MAPKAP1: variants seen among roughly 807,000 people sequenced by gnomAD.
MAPKAP1 encodes the protein MAPK associated protein 1, also known as target of rapamycin complex 2 subunit MAPKAP1.
Under a neutral mutation model 65.7 loss-of-function variants are expected in MAPKAP1, and 20 were observed. The ratio of observed to expected loss-of-function variants is 0.30; its 90% confidence interval spans 0.21 to 0.44. The LOEUF is 0.44. Ranked by LOEUF, MAPKAP1 falls within the 20% of genes least tolerant of loss-of-function variation. MAPKAP1 has a pLI of 1.00. For missense variants in MAPKAP1, 423 were observed against 648.0 expected, an observed-to-expected ratio of 0.65 and a Z score of 3.77; for synonymous variants, 222 against 244.3, an observed-to-expected ratio of 0.91 and a Z score of 0.85.
At chr9:125,539,638 T>TA (rs1190140592) in intron 7 of MAPKAP1, among the ~76,000 whole-genome samples, 1 of 152,222 alleles carries the variant, frequency 6.6e-6, no homozygotes, top group African/African-American at 2.4e-5. Context: ...TTAAGGCCTT[T>TA]ATTCACTAAA....
rs1445037610 is a variant in MAPKAP1, at chr9:125,585,710, T to C, written c.516A>G (p.Thr172=). The C allele has an allele frequency of 5.0e-6, 8 of 1,614,184 alleles. No homozygotes were observed. The highest frequency in any genetic ancestry group is 6.8e-6 in the Non-Finnish European group (8 of 1,180,038). Residue 172 remains threonine, a synonymous_variant, in exon 5 of 12, where the codon ACA becomes ACG. Coordinates refer to ENST00000265960, the MANE Select transcript of MAPKAP1 (RefSeq NM_001006617.3). ...GGTAGACATCGATCTTCTTGGTTGC[T>C]GTTGTACCTACATGACCCTGTGGAC... ...KFDGKGHVGT[T]ATKKIDVYLP...
chr9:125,672,917 C>T (rs1193269722), intron 1 of MAPKAP1, among the ~76,000 whole-genome samples: 3 of 152,222 alleles, frequency 2.0e-5, no homozygotes, highest in East Asian at 3.8e-4. Flanking sequence ...TCAGGCCACT[C>T]GAAGCACATA....
chr9:125,462,259 C>A (rs1297830420), intron 10 of MAPKAP1, among the ~76,000 whole-genome samples: 1 of 152,214 alleles, frequency 6.6e-6, no homozygotes, highest in Non-Finnish European at 1.5e-5. Flanking sequence ...CAGCCACAGT[C>A]TCCCTGCTCT....
At chr9:125,601,745 T>C (rs992938962) in intron 4 of MAPKAP1, among the ~76,000 whole-genome samples, 1 of 152,226 alleles carries the variant, frequency 6.6e-6, no homozygotes, top group African/African-American at 2.4e-5. Context: ...TCACATTTCT[T>C]CAATTACAAC....
At chr9:125,652,023 C>T in intron 4 of MAPKAP1, 1 of 910,874 alleles carries the variant, frequency 1.1e-6, no homozygotes, top group South Asian at 2.2e-5. Flanking sequence ...TAGAAGGGAC[C>T]ATTCCCACAA....
At chr9:125,652,031 C>G in intron 4 of MAPKAP1, 4 of 1,013,078 alleles carry the variant, frequency 3.9e-6, no homozygotes, top group Non-Finnish European at 5.1e-6. Context: ...ACCATTCCCA[C>G]AAGAATAGCA....
intron 1 of MAPKAP1, among the ~76,000 whole-genome samples, chr9:125,696,555 G>A (rs1292516224): frequency 6.6e-6 from 1 of 151,586 alleles, no homozygotes; most frequent in Non-Finnish European, 1.5e-5. Context: ...CCTTAACCTT[G>A]TTTGATTTGC....
At chr9:125,554,670 C>T (rs1274394605) in intron 6 of MAPKAP1, among the ~76,000 whole-genome samples, 1 of 151,868 alleles carries the variant, frequency 6.6e-6, no homozygotes, top group African/African-American at 2.4e-5. Flanking sequence ...GTGACACATG[C>T]CTGTAGTTCC....
At chr9:125,585,166 C>G (rs922090312) in intron 5 of MAPKAP1, among the ~76,000 whole-genome samples, 8 of 152,108 alleles carry the variant, frequency 5.3e-5, no homozygotes, top group Non-Finnish European at 1.2e-4. Flanking sequence ...GATCATTACC[C>G]TCACCTCCCA....
intron 8 of MAPKAP1, among the ~76,000 whole-genome samples, chr9:125,502,677 T>C (rs1172398093): frequency 6.6e-6 from 1 of 152,202 alleles, no homozygotes; most frequent in Non-Finnish European, 1.5e-5. Context: ...TCTTTTGATA[T>C]GTAAGATTTA....
chr9:125,543,962 T>C (rs547056759), intron 6 of MAPKAP1, among the ~76,000 whole-genome samples: 4 of 152,224 alleles, frequency 2.6e-5, no homozygotes, highest in South Asian at 2.1e-4. Flanking sequence ...CCCAAAGTAA[T>C]TGAGAAGGAG....
At chr9:125,627,217 C>T (rs1833142327) in intron 4 of MAPKAP1, among the ~76,000 whole-genome samples, 1 of 152,106 alleles carries the variant, frequency 6.6e-6, no homozygotes, top group Admixed American at 6.5e-5. Flanking sequence ...ACCTGTAATC[C>T]ATGACGCCTT....
At position 125,689,246 on chromosome 9, in the gene MAPKAP1, G is replaced by A. The variant is rs1444240020; in HGVS notation, c.-69-16603C>T. On this transcript the variant is annotated intron_variant, in intron 1 of 11. Coordinates refer to ENST00000265960, the MANE Select transcript of MAPKAP1 (RefSeq NM_001006617.3). ...AAGTCAGGAGATAGAGAACATCCTG[G>A]CTAACACGGTGAAACCCCACCTCTA... is the stretch of plus-strand genomic sequence containing the variant. Among the ~76,000 whole-genome samples, 68 of 150,940 alleles carry A rather than the reference G, an allele frequency of 4.5e-4. 1 individual carries two copies. The highest frequency in any genetic ancestry group is 4.5e-3 in the Admixed American group (68 of 15,110).
chr9:125,661,899 AC>A (rs1346654671), intron 3 of MAPKAP1, among the ~76,000 whole-genome samples: 10 of 152,162 alleles, frequency 6.6e-5, no homozygotes, highest in Non-Finnish European at 1.3e-4. Flanking sequence ...CCAGCAAATG[AC>A]CCAATTTCTT....
In MAPKAP1 at chr9:125,438,288, C is replaced by A; in HGVS notation, c.*599G>T. 2.5e-6 allele frequency: 1 copy of A among 398,376 alleles called. No individual in the cohort carries two copies. Among genetic ancestry groups the A allele is most frequent in the Non-Finnish European group, 4.4e-6 (1 of 225,988 alleles). The allele number at this position is 398,376 out of a possible 1,614,324, so 24.7% of individuals were successfully genotyped here. On this transcript the variant is annotated 3_prime_UTR_variant, in exon 12 of 12. Transcript: ENST00000265960. Reference sequence around the variant, plus strand: ...CTAACTTTTAGTAAGACACTACCCTCGAAGCAAATGCACTCATTTAAACAA... The same window carrying A: ...CTAACTTTTAGTAAGACACTACCCTAGAAGCAAATGCACTCATTTAAACAA...
At chr9:125,653,700 T>C (rs899161700) in intron 4 of MAPKAP1, among the ~76,000 whole-genome samples, 3 of 152,204 alleles carry the variant, frequency 2.0e-5, no homozygotes, top group African/African-American at 7.2e-5. Context: ...AGTGGAGCCA[T>C]GGGGATTCGA....
At chr9:125,590,608 C>T (rs1024625353) in intron 4 of MAPKAP1, among the ~76,000 whole-genome samples, 1 of 151,712 alleles carries the variant, frequency 6.6e-6, no homozygotes, top group Admixed American at 6.6e-5. Flanking sequence ...TGAGATGGCG[C>T]CACTGCACTC....
At position 125,444,484 on chromosome 9, in the gene MAPKAP1, CA is replaced by C; in HGVS notation, c.1443+16del. On this transcript the variant is annotated intron_variant, in intron 11 of 11. Transcript: ENST00000265960. ...GGACCCACCTACCCTGTCTCTGGTTCAAGAAGGAATACTCACCTTGAGCACA... is the reference window on the plus strand; with the variant it reads ...GGACCCACCTACCCTGTCTCTGGTTCAGAAGGAATACTCACCTTGAGCACA... 1 of 1,594,472 alleles carries C rather than the reference CA, an allele frequency of 6.3e-7. No homozygotes were observed. The highest frequency in any genetic ancestry group is 8.6e-7 in the Non-Finnish European group (1 of 1,164,704).
chr9:125,539,562 C>A (rs558054684), intron 7 of MAPKAP1, among the ~76,000 whole-genome samples: 1 of 152,148 alleles, frequency 6.6e-6, no homozygotes, highest in African/African-American at 2.4e-5. Context: ...GATGGTTAAC[C>A]GCATTTTTAA....
Sources: gnomAD v4.1 joint callset for allele counts (sites outside exome capture counted in the v4.1 genomes callset) on GRCh38, gnomAD v4.1.1 for gene constraint, MANE v1.5 for transcripts, NCBI Gene and HGNC (gene_info 2026-07-23, HGNC 2026-07-21) for gene names.